Variants in LEKR1 observed in about 807,000 individuals in gnomAD.
The protein encoded by LEKR1 is protein LEKR1.
In LEKR1, 59 loss-of-function variants were observed where a neutral mutation model predicts 72.4. The ratio of observed to expected loss-of-function variants is 0.82; its 90% CI spans 0.66 to 1.01. LEKR1 has a LOEUF of 1.01. Among genes scored for constraint, LEKR1 ranks in the 50% least tolerant of loss-of-function variants. The pLI is 0.00. For missense variants in LEKR1, 728 were observed against 759.2 expected (o/e 0.96, Z 0.48); for synonymous variants, 257 against 263.2 (o/e 0.98, Z 0.23).
chr3:157,026,087 A>G (rs527609328), intron 11 of LEKR1, among the ~76,000 whole-genome samples: 9 of 152,122 alleles, frequency 5.9e-5, no homozygotes, highest in African/African-American at 2.2e-4. Context: ...TTTATCTTTG[A>G]ACTTCTGTTT....
At chr3:156,864,930 C>G (rs1007869375) in intron 3 of LEKR1, among the ~76,000 whole-genome samples, 19 of 152,040 alleles carry the variant, frequency 1.2e-4, no homozygotes, top group Admixed American at 1.1e-3. Context: ...TCTACATTCT[C>G]TCTTCAGTTT....
chr3:156,916,393 A>C (rs1723655185), intron 3 of LEKR1, among the ~76,000 whole-genome samples: 1 of 152,134 alleles, frequency 6.6e-6, no homozygotes, highest in South Asian at 2.1e-4. Flanking sequence ...ATCCATGAGC[A>C]TGTGATGTTT....
At chr3:156,942,075 C>T (rs1233512775) in intron 5 of LEKR1, among the ~76,000 whole-genome samples, 2 of 151,890 alleles carry the variant, frequency 1.3e-5, no homozygotes, top group African/African-American at 2.4e-5. Flanking sequence ...CACTCTACTC[C>T]TAAAATCTTT....
In LEKR1 at chr3:156,848,515, A is replaced by G. The variant is rs549619396; in HGVS notation, c.49-4253A>G. 5.3e-5 allele frequency among the ~76,000 whole-genome samples: 8 copies of G among 152,326 alleles called. No homozygotes were observed. In the South Asian group the frequency reaches 1.7e-3, roughly 32 times the overall value. On this transcript the variant is annotated intron_variant, in intron 2 of 12. Coordinates refer to ENST00000356539, the MANE Select transcript of LEKR1 (RefSeq NM_001004316.3). ...TGTAGGATTACTAGATCCAGGAACC[A>G]TATTAGGCATAGAATATATGGACTT...
intron 6 of LEKR1, among the ~76,000 whole-genome samples, chr3:156,952,830 T>C (rs954759293): frequency 1.3e-5 from 2 of 151,394 alleles, no homozygotes. Context: ...GGTGACTGGT[T>C]AAATAAATTG....
chr3:156,832,086 A>G (rs533314713), intron 2 of LEKR1, among the ~76,000 whole-genome samples: 1 of 152,288 alleles, frequency 6.6e-6, no homozygotes, highest in South Asian at 2.1e-4. Context: ...CTGTCTTGTA[A>G]TTGTTGGTAT....
At chr3:156,909,939 G>C (rs13097839) in intron 3 of LEKR1, among the ~76,000 whole-genome samples, 1,559 of 151,840 alleles carry the variant, frequency 0.01, 12 homozygotes, top group Middle Eastern at 0.017. Context: ...CATTTTTCTG[G>C]ACTATACTTT....
chr3:156,867,046 A>C (rs1717389649), intron 3 of LEKR1, among the ~76,000 whole-genome samples: 1 of 152,244 alleles, frequency 6.6e-6, no homozygotes, highest in East Asian at 1.9e-4. Flanking sequence ...TAATTTAAAG[A>C]GATACATAAA....
At chr3:156,912,588 G>A (rs1416658444) in intron 3 of LEKR1, among the ~76,000 whole-genome samples, 1 of 152,174 alleles carries the variant, frequency 6.6e-6, no homozygotes, top group Non-Finnish European at 1.5e-5. Context: ...TGTGGCTACT[G>A]CACACTTCCC....
At chr3:156,967,208 G>C (rs1393430936) in intron 6 of LEKR1, among the ~76,000 whole-genome samples, 2 of 152,112 alleles carry the variant, frequency 1.3e-5, no homozygotes, top group Non-Finnish European at 2.9e-5. Flanking sequence ...GGAAACTCTA[G>C]AAATCAGAAC....
chr3:156,835,317 A>G (rs1712960895), intron 2 of LEKR1, among the ~76,000 whole-genome samples: 1 of 152,228 alleles, frequency 6.6e-6, no homozygotes, highest in Non-Finnish European at 1.5e-5. Context: ...TTTCTTAAAT[A>G]TGTAAATTTC....
At chr3:157,013,185 G>A (rs1419466935) in intron 10 of LEKR1, among the ~76,000 whole-genome samples, 1 of 152,126 alleles carries the variant, frequency 6.6e-6, no homozygotes, top group Non-Finnish European at 1.5e-5. Context: ...GCGATTCAGA[G>A]AGTCATTCCT....
intron 7 of LEKR1, among the ~76,000 whole-genome samples, chr3:156,991,266 T>G (rs1175592142): frequency 6.6e-6 from 1 of 152,070 alleles, no homozygotes; most frequent in Non-Finnish European, 1.5e-5. Flanking sequence ...GTTTTATTTT[T>G]TAACCTGGAT....
chr3:157,019,988 T>C (rs1733680874), intron 10 of LEKR1, among the ~76,000 whole-genome samples: 1 of 152,184 alleles, frequency 6.6e-6, no homozygotes, highest in African/African-American at 2.4e-5. Context: ...TCTCAGATTG[T>C]GCAAATTAAA....
chr3:156,909,929 C>G (rs892603787), intron 3 of LEKR1, among the ~76,000 whole-genome samples: 10 of 152,048 alleles, frequency 6.6e-5, no homozygotes, highest in Admixed American at 1.3e-4. Context: ...TTTTAAAAAG[C>G]ATTTTTCTGG....
intron 6 of LEKR1, among the ~76,000 whole-genome samples, chr3:156,952,886 AAG>A (rs1203060500): frequency 1.3e-5 from 2 of 151,452 alleles, no homozygotes; most frequent in Non-Finnish European, 3.0e-5. Flanking sequence ...GAGAGAGAGA[AAG>A]AGAGAGACAG....
intron 10 of LEKR1, among the ~76,000 whole-genome samples, chr3:157,016,737 CAT>C (rs941053550): frequency 1.3e-4 from 19 of 151,974 alleles, no homozygotes; most frequent in African/African-American, 4.6e-4. Context: ...ATATTTATAA[CAT>C]AGAAGCAAAA....
chr3:156,848,039 G>A (rs919626527), intron 2 of LEKR1, among the ~76,000 whole-genome samples: 1 of 152,154 alleles, frequency 6.6e-6, no homozygotes, highest in Admixed American at 6.5e-5. Context: ...AGGACACTTT[G>A]CCAGGAGCAG....
chr3:156,877,899 C>T (rs1313521579), intron 3 of LEKR1, among the ~76,000 whole-genome samples: 2 of 152,172 alleles, frequency 1.3e-5, no homozygotes, highest in African/African-American at 4.8e-5. Flanking sequence ...TCTCCTGCCT[C>T]AGCCTCCTTA....
Sources: gnomAD v4.1 joint callset for allele counts (sites outside exome capture counted in the v4.1 genomes callset) on GRCh38, gnomAD v4.1.1 for gene constraint, MANE v1.5 for transcripts, NCBI Gene and HGNC (gene_info 2026-07-23, HGNC 2026-07-21) for gene names.